The following TRMT11 variants were observed in gnomAD, a reference collection of about 807,000 sequenced individuals.
TRMT11 encodes the protein tRNA (guanine(10)-N(2))-methyltransferase TRMT11.
A neutral mutation model predicts 62.8 loss-of-function variants in TRMT11; 53 were observed. The ratio of observed to expected loss-of-function variants is 0.84; its 90% CI spans 0.68 to 1.06. The LOEUF is 1.06. Ranked by LOEUF, TRMT11 falls within the 50% of genes least tolerant of loss-of-function variation. The pLI, the probability that TRMT11 is intolerant of heterozygous loss-of-function variation, is 0.00. For missense variants in TRMT11, 556 were observed against 553.4 expected, an observed-to-expected ratio of 1.00 and a Z score of -0.05; for synonymous variants, 188 against 190.3, an observed-to-expected ratio of 0.99 and a Z score of 0.10.
chr6:126,014,275 G>T (rs532870400), intron 11 of TRMT11, among the ~76,000 whole-genome samples: 1 of 151,048 alleles, frequency 6.6e-6, no homozygotes, highest in Non-Finnish European at 1.5e-5. Flanking sequence ...TTTTGAGACA[G>T]GGTTTCACTT....
the TRMT11 span, among the ~76,000 whole-genome samples, chr6:126,237,065 TAGAGAGAGAGAGAG>T: frequency 4.2e-5 from 6 of 142,466 alleles, no homozygotes; most frequent in Admixed American, 4.2e-4. Context: ...CTCCTAGAGA[TAGAGAGAGAGAGAG>T]AGAGAGAGAG....
At chr6:126,241,658 A>G in the TRMT11 span, among the ~76,000 whole-genome samples, 1 of 152,348 alleles carries the variant, frequency 6.6e-6, no homozygotes, top group Non-Finnish European at 1.5e-5. Context: ...ATCAATAAAC[A>G]TAATCCAGCA....
chr6:126,110,050 G>A (rs1777512867), intron 17 of TRMT11, among the ~76,000 whole-genome samples: 1 of 152,140 alleles, frequency 6.6e-6, no homozygotes, highest in South Asian at 2.1e-4. Context: ...GATTTCAGCT[G>A]GCGGAGAAGC....
intron 12 of TRMT11, among the ~76,000 whole-genome samples, chr6:126,022,410 C>T (rs1431753217): frequency 3.3e-5 from 5 of 152,048 alleles, no homozygotes; most frequent in African/African-American, 4.8e-5. Flanking sequence ...TCCCATCTTA[C>T]GGATTATTTC....
intron 8 of TRMT11, among the ~76,000 whole-genome samples, chr6:126,009,781 C>A (rs1367182295): frequency 6.6e-6 from 1 of 151,950 alleles, no homozygotes; most frequent in Non-Finnish European, 1.5e-5. Flanking sequence ...TTCCAATTTG[C>A]TTTTAGTAGA....
downstream of TRMT11, among the ~76,000 whole-genome samples, chr6:126,205,488 AGTGAGACTC>A (rs1478795141): frequency 1.3e-5 from 2 of 152,216 alleles, no homozygotes; most frequent in African/African-American, 4.8e-5. Context: ...TGGGTGACAG[AGTGAGACTC>A]CATCTCAAAA....
At chr6:126,001,955 T>G (rs1792567153) in intron 7 of TRMT11, among the ~76,000 whole-genome samples, 4 of 152,186 alleles carry the variant, frequency 2.6e-5, no homozygotes, top group Admixed American at 2.6e-4. Context: ...CTTAATTTTC[T>G]TAATTACTTT....
At chr6:126,046,603 G>T (rs769709398) in intron 16 of TRMT11, among the ~76,000 whole-genome samples, 1 of 152,128 alleles carries the variant, frequency 6.6e-6, no homozygotes, top group African/African-American at 2.4e-5. Context: ...GAATATGCTG[G>T]GGGACTTTAT....
At chr6:126,045,414 G>A (rs987384818) in intron 16 of TRMT11, among the ~76,000 whole-genome samples, 10 of 152,070 alleles carry the variant, frequency 6.6e-5, no homozygotes, top group African/African-American at 2.4e-4. Flanking sequence ...AGGGCTTTGG[G>A]GCTCATTAAC....
chr6:126,149,589 G>A (rs1157639275), intron 21 of TRMT11, among the ~76,000 whole-genome samples: 1 of 152,148 alleles, frequency 6.6e-6, no homozygotes, highest in Non-Finnish European at 1.5e-5. Flanking sequence ...CTCAAGTTAG[G>A]TATATGCTCT....
At chr6:126,088,877 C>A (rs868504620) in intron 17 of TRMT11, among the ~76,000 whole-genome samples, 1 of 152,166 alleles carries the variant, frequency 6.6e-6, no homozygotes, top group African/African-American at 2.4e-5. Context: ...AAATCCCAAA[C>A]TGTTTTCATC....
intron 18 of TRMT11, among the ~76,000 whole-genome samples, chr6:126,114,275 A>G (rs1777564176): frequency 6.6e-6 from 1 of 152,116 alleles, no homozygotes; most frequent in Non-Finnish European, 1.5e-5. Context: ...TAGGCCAGAA[A>G]GAAGTCCTCA....
intron 11 of TRMT11, among the ~76,000 whole-genome samples, chr6:126,020,701 C>T (rs1354722280): frequency 6.6e-6 from 1 of 152,114 alleles, no homozygotes; most frequent in African/African-American, 2.4e-5. Flanking sequence ...TTTAACAAGA[C>T]GTTATTAAAA....
chr6:126,173,799 A>G (rs1321292845), upstream of TRMT11, among the ~76,000 whole-genome samples: 1 of 152,182 alleles, frequency 6.6e-6, no homozygotes, highest in East Asian at 1.9e-4. Flanking sequence ...CCCAACCTGG[A>G]AACCAGCAGA....
intron 11 of TRMT11, among the ~76,000 whole-genome samples, chr6:126,017,065 CATTTGAATT>C (rs1352337051): frequency 6.6e-6 from 1 of 152,040 alleles, no homozygotes; most frequent in African/African-American, 2.4e-5. Context: ...AAATAATATT[CATTTGAATT>C]AAACAGTTTA....
intron 21 of TRMT11, among the ~76,000 whole-genome samples, chr6:126,153,221 A>T (rs1778078940): frequency 6.6e-6 from 1 of 152,348 alleles, no homozygotes; most frequent in African/African-American, 2.4e-5. Context: ...TTATACAGAC[A>T]TTATTTATAC....
chr6:126,044,481 G>T (rs974282617), intron 16 of TRMT11, among the ~76,000 whole-genome samples: 6 of 152,136 alleles, frequency 3.9e-5, no homozygotes, highest in Non-Finnish European at 8.8e-5. Context: ...TTTGAAGTCA[G>T]GTAGCATGAT....
intron 21 of TRMT11, among the ~76,000 whole-genome samples, chr6:126,151,888 G>T (rs1190819869): frequency 6.3e-4 from 14 of 22,246 alleles, no homozygotes; most frequent in African/African-American, 1.2e-3. Context: ...TTCCTTCCTT[G>T]TCTTTTTCTT....
At chr6:126,169,430 G>C (rs1173252801) in intron 21 of TRMT11, among the ~76,000 whole-genome samples, 1 of 152,190 alleles carries the variant, frequency 6.6e-6, no homozygotes, top group Non-Finnish European at 1.5e-5. Context: ...CAACAATGGT[G>C]CTTAGTGTTA....
Sources: gnomAD v4.1 joint callset for allele counts (sites outside exome capture counted in the v4.1 genomes callset) on GRCh38, gnomAD v4.1.1 for gene constraint, MANE v1.5 for transcripts, NCBI Gene and HGNC (gene_info 2026-07-23, HGNC 2026-07-21) for gene names.